Variants in TMPRSS9 observed in about 807,000 individuals in gnomAD.
TMPRSS9 encodes the protein transmembrane protease serine 9.
Under a neutral mutation model 111.4 loss-of-function variants are expected in TMPRSS9, and 113 were observed. That is an observed-to-expected ratio of 1.01 (90% CI 0.87 to 1.19). The LOEUF (loss-of-function observed/expected upper bound fraction) is 1.19, where lower values mean the gene tolerates loss of function less well. TMPRSS9 is among the 50% of genes most tolerant of loss of function. TMPRSS9 has a pLI of 0.00. For missense variants in TMPRSS9, 1,803 were observed against 1,513.1 expected (o/e 1.19, Z -3.18); for synonymous variants, 805 against 659.1 (o/e 1.22, Z -3.39).
At chr19:2,365,990 AAAG>A (rs1304816840) in intron 1 of TMPRSS9, among the ~76,000 whole-genome samples, 1 of 151,822 alleles carries the variant, frequency 6.6e-6, no homozygotes. Context: ...TAATTTTAAA[AAAG>A]AGATGGAGAA....
intron 1 of TMPRSS9, among the ~76,000 whole-genome samples, chr19:2,362,951 G>T (rs1370601016): frequency 1.3e-5 from 1 of 78,468 alleles, no homozygotes; most frequent in African/African-American, 3.4e-5. Context: ...TGTGTGTGTT[G>T]TGTGAGGTTG....
rs372987781 is a variant in TMPRSS9 at position 2,402,031 on chromosome 19, C to G, written c.556+15C>G. 5.3e-5 allele frequency: 85 copies of G among 1,609,004 alleles called. No individual in the cohort carries two copies. Among genetic ancestry groups the G allele is most frequent in the Non-Finnish European group, 7.0e-5 (82 of 1,176,944 alleles). ...CTTCAAATCAGGTATGTTTTTCTCT[C>G]TGGCCTTTTCTCTGATTGCAGTTAC... On this transcript the variant is annotated intron_variant, in intron 5 of 17. Coordinates refer to ENST00000648592, the Ensembl canonical transcript of TMPRSS9.
chr19:2,387,702 A>G (rs72989480), upstream of TMPRSS9, among the ~76,000 whole-genome samples: 4,331 of 152,180 alleles, frequency 0.028, 82 homozygotes, highest in East Asian at 0.044. Context: ...CCGAGATCGC[A>G]CCACAGCACT....
intron 1 of TMPRSS9, among the ~76,000 whole-genome samples, chr19:2,369,988 A>G (rs1049539818): frequency 6.6e-6 from 1 of 152,022 alleles, no homozygotes; most frequent in African/African-American, 2.4e-5. Flanking sequence ...CTGGCAGGTC[A>G]CTTGAGGTCA....
chr19:2,365,085 T>C (rs1970238421), intron 1 of TMPRSS9, among the ~76,000 whole-genome samples: 1 of 152,186 alleles, frequency 6.6e-6, no homozygotes, highest in Non-Finnish European at 1.5e-5. Context: ...ACATTGCATT[T>C]AGGAGCTGTA....
At chr19:2,413,935 G>C (rs1254599202) in exon 10 of TMPRSS9, 14 of 1,612,354 alleles carry the variant, frequency 8.7e-6, no homozygotes, top group Non-Finnish European at 1.2e-5. Flanking sequence ...AGTCCTGAGA[G>C]CCCTGTGGTC....
chr19:2,381,530 T>C (rs1020097668), intron 1 of TMPRSS9, among the ~76,000 whole-genome samples: 1 of 151,974 alleles, frequency 6.6e-6, no homozygotes, highest in Non-Finnish European at 1.5e-5. Flanking sequence ...TAAGAGTAAA[T>C]GGGAAAGTGT....
At chr19:2,397,470 T>C (rs187807356) in intron 2 of TMPRSS9, among the ~76,000 whole-genome samples, 71 of 152,120 alleles carry the variant, frequency 4.7e-4, no homozygotes, top group Non-Finnish European at 6.8e-4. Context: ...AAACACAGCG[T>C]GGCTATGCAC....
intron 1 of TMPRSS9, among the ~76,000 whole-genome samples, chr19:2,362,252 C>G (rs1599271691): frequency 6.6e-6 from 1 of 151,270 alleles, no homozygotes; most frequent in African/African-American, 2.4e-5. Context: ...GTGTCGATGG[C>G]TGTATAACTG....
intron 8 of TMPRSS9, 93 bp downstream of exon 9, chr19:2,408,723 T>A: frequency 2.7e-6 from 4 of 1,497,154 alleles, no homozygotes; most frequent in Non-Finnish European, 3.6e-6. Context: ...ACGCCTGTCA[T>A]CCCAGCACTT....
upstream of TMPRSS9, among the ~76,000 whole-genome samples, chr19:2,388,849 C>G (rs936823429): frequency 5.9e-5 from 9 of 151,946 alleles, no homozygotes; most frequent in Non-Finnish European, 1.3e-4. Flanking sequence ...GTCTCAAACT[C>G]CTGGGCTCGA....
Position 2,426,059 on chromosome 19 carries a change from G to A in TMPRSS9, c.3253G>A (p.Gly1085Ser), listed in dbSNP as rs1365196747. Residue 1085 changes from glycine to serine, a missense_variant, in exon 18 of 18, where the codon GGC (glycine) becomes AGC (serine). Coordinates refer to ENST00000648592, the Ensembl canonical transcript of TMPRSS9. ...CTATACCCGGGTGGCAGCTGTGAGA[G>A]GCTGGATAGGACAGCACATCCAGGA... 3 of 1,609,524 alleles carry A rather than the reference G, an allele frequency of 1.9e-6. No individual in the cohort carries two copies. Among genetic ancestry groups the A allele is most frequent in the East Asian group, 2.2e-5 (1 of 44,588 alleles).
At chr19:2,406,614 C>A (rs545744503) in intron 7 of TMPRSS9, among the ~76,000 whole-genome samples, 1 of 150,418 alleles carries the variant, frequency 6.6e-6, no homozygotes, top group African/African-American at 2.4e-5. Context: ...GGATTACAGG[C>A]GTGAGCCACC....
chr19:2,416,966 C>T (rs1053266641), intron 12 of TMPRSS9, among the ~76,000 whole-genome samples, 157 bp downstream of exon 13: 15 of 152,178 alleles, frequency 9.9e-5, no homozygotes, highest in African/African-American at 3.6e-4. Flanking sequence ...GCTGCCCACA[C>T]ACCTCTCACT....
chr19:2,418,396 TGGCCTTTCCTTCCATTCC>T (rs1971333605), intron 13 of TMPRSS9, among the ~76,000 whole-genome samples: 1 of 14,298 alleles, frequency 7.0e-5, no homozygotes. Flanking sequence ...CTTCCCTCCC[TGGCCTTTCCTTCCATTCC>T]TTCCCTCCCT....
Position 2,383,307 on chromosome 19 carries a change from T to C in TMPRSS9, c.-25-6454T>C, listed in dbSNP as rs550195530. On this transcript the variant is annotated intron_variant, in intron 1 of 17. Transcript: ENST00000649857. ...AGGCAGAGTTTGCAGTGAGCCAAGA[T>C]TGCACCACTGCACTCCAGCCTGGGT... is the stretch of plus-strand genomic sequence containing the variant. Among the ~76,000 whole-genome samples, 637 of 151,784 alleles carry C rather than the reference T, an allele frequency of 4.2e-3. 4 individuals are homozygous for C. The highest frequency in any genetic ancestry group is 0.014 in the African/African-American group (599 of 41,410).
chr19:2,395,544 T>C (rs979180762), intron 1 of TMPRSS9, among the ~76,000 whole-genome samples: 23 of 151,626 alleles, frequency 1.5e-4, no homozygotes, highest in African/African-American at 5.6e-4. Flanking sequence ...CTGGCCAACA[T>C]GGAGAAACCC....
chr19:2,403,565 G>A (rs187724753), intron 6 of TMPRSS9, among the ~76,000 whole-genome samples: 2,475 of 152,076 alleles, frequency 0.016, 78 homozygotes, highest in African/African-American at 0.057. Context: ...TTAAAATGCC[G>A]TAAGAGATTA....
rs1187265775 is a variant in TMPRSS9 at position 2,361,471 on chromosome 19, TAAA to T, written c.-26+1112_-26+1114del. On this transcript the variant is annotated intron_variant, in intron 1 of 17. Transcript: ENST00000649857. ...TCTCACCCTCGGAGCCGCTTCTGAG[TAAA>T]CACACACTGGGATGTAACAATTGGA... 1.1e-3 allele frequency among the ~76,000 whole-genome samples: 172 copies of T among 151,952 alleles called. 4 individuals are homozygous for T. The East Asian group carries it at 0.033, about 29-fold the overall frequency.
Sources: gnomAD v4.1 joint callset for allele counts (sites outside exome capture counted in the v4.1 genomes callset) on GRCh38, gnomAD v4.1.1 for gene constraint, MANE v1.5 for transcripts, NCBI Gene and HGNC (gene_info 2026-07-23, HGNC 2026-07-21) for gene names.